Variants in CASKIN1 observed in about 807,000 individuals in gnomAD.
CASKIN1 encodes the protein caskin-1.
A neutral mutation model predicts 117.5 loss-of-function variants in CASKIN1; 42 were observed. The ratio of observed to expected loss-of-function variants is 0.36; its 90% CI spans 0.28 to 0.46. CASKIN1 has a LOEUF of 0.46. CASKIN1 is among the 20% of genes least tolerant of loss of function. CASKIN1 has a pLI of 1.00. For synonymous variants in CASKIN1, 1,148 were observed against 961.7 expected, an observed-to-expected ratio of 1.19 and a Z score of -3.59; for missense variants, 2,083 against 2,077.3, an observed-to-expected ratio of 1.00 and a Z score of -0.05.
At chr16:2,191,282 G>A (rs2093200881) in intron 1 of CASKIN1, among the ~76,000 whole-genome samples, 1 of 152,192 alleles carries the variant, frequency 6.6e-6, no homozygotes, top group African/African-American at 2.4e-5. Flanking sequence ...GAGGCACAGG[G>A]CTGTCTGCAG....
intron 1 of CASKIN1, among the ~76,000 whole-genome samples, chr16:2,193,295 G>A (rs887711284): frequency 1.3e-5 from 2 of 152,218 alleles, no homozygotes; most frequent in African/African-American, 2.4e-5. Flanking sequence ...GGGATGACAG[G>A]CATGAGCCAC....
In CASKIN1 at chr16:2,178,507, G is replaced by C. The variant is rs777883260; in HGVS notation, c.*43C>G. ...CATCCTGAGGTATAGGTCAGTGTGC[G>C]GGGAGGGCCCGGGCGGCGCGGGAGG... On this transcript the variant is annotated 3_prime_UTR_variant, in exon 20 of 20. Transcript: ENST00000343516. 1.3e-6 allele frequency: 2 copies of C among 1,485,606 alleles called. No individual in the cohort carries two copies. Among genetic ancestry groups the C allele is most frequent in the Non-Finnish European group, 1.8e-6 (2 of 1,109,242 alleles). The allele number at this position is 1,485,606 out of a possible 1,614,324, so 92.0% of individuals were successfully genotyped here.
chr16:2,182,046 C>T lies in CASKIN1; in HGVS notation c.1630-117G>A. The T allele has an allele frequency of 6.9e-7, 1 of 1,444,560 alleles. No homozygotes were observed. Among genetic ancestry groups the T allele is most frequent in the Non-Finnish European group, 9.5e-7 (1 of 1,053,288 alleles). The allele number at this position is 1,444,560 out of a possible 1,614,324, so 89.5% of individuals were successfully genotyped here. A position where few individuals can be genotyped will look rare whatever the true frequency, so the allele number is the denominator to read the frequency against. On this transcript the variant is annotated intron_variant, in intron 16 of 19. Coordinates refer to ENST00000343516, the MANE Select transcript of CASKIN1 (RefSeq NM_020764.4). The surrounding 1 kb of genome is among the most constrained non-coding windows in gnomAD (Gnocchi z 4.1). ...AGCAGGGCACAGACAGACAGGAGGA[C>T]AAACGGATAGGCCGAGGTATTGGCA...
rs1596691508 is a variant in CASKIN1, at chr16:2,187,564, G to T, written c.618-103C>A. The T allele has an allele frequency of 1.1e-5, 10 of 889,036 alleles. No individual in the cohort carries two copies. In the East Asian group the frequency reaches 2.6e-4, roughly 23 times the overall value. The allele number at this position is 889,036 out of a possible 1,614,324, so 55.1% of individuals were successfully genotyped here. A position where few individuals can be genotyped will look rare whatever the true frequency, so the allele number is the denominator to read the frequency against. On this transcript the variant is annotated intron_variant, in intron 6 of 19. Transcript: ENST00000343516. The stretch of plus-strand genomic sequence containing the variant: ...TTCCAGGTACCCCAGCAGTCAGCTT[G>T]GGGGCTGAGGACCGTCCAGCCCTGC...
In CASKIN1 at chr16:2,196,286, C is replaced by G; in HGVS notation, c.94+53G>C. 1 of 872,216 alleles carries G rather than the reference C, an allele frequency of 1.1e-6. No homozygotes were observed. The highest frequency in any genetic ancestry group is 1.5e-6 in the Non-Finnish European group (1 of 688,896). The allele number at this position is 872,216 out of a possible 1,614,324, so 54.0% of individuals were successfully genotyped here. ...CCGGCGCCGGGTGGGGGGCTCCGCG[C>G]CGGGGAGGGGCCCCCGGGGCTCCCA... On this transcript the variant is annotated intron_variant, in intron 1 of 19. Coordinates refer to ENST00000343516, the MANE Select transcript of CASKIN1 (RefSeq NM_020764.4). This position sits in a 1 kb window ranked among gnomAD's most constrained non-coding sequence, Gnocchi z 5.7.
intron 6 of CASKIN1, 65 bp from the exon 7 acceptor site, chr16:2,187,526 G>A: frequency 7.5e-7 from 1 of 1,331,944 alleles, no homozygotes; most frequent in African/African-American, 1.4e-5. Context: ...GCACCCCCAA[G>A]CCAGGCCTCC....
At position 2,179,329 on chromosome 16, in the gene CASKIN1, C is replaced by A. The variant is rs1017728767; in HGVS notation, c.3776-4G>T. ...GTGCCGTGGGCGCGCTTCACCTCTG[C>A]GGGGAGGACCACGCTGGCACCGAGC... On this transcript the variant is annotated splice_polypyrimidine_tract_variant and splice_region_variant and intron_variant, in intron 18 of 19. Coordinates refer to ENST00000343516, the MANE Select transcript of CASKIN1 (RefSeq NM_020764.4). The surrounding 1 kb of genome is among the most constrained non-coding windows in gnomAD (Gnocchi z 5.8). 1.6e-6 allele frequency: 2 copies of A among 1,284,768 alleles called. No individual in the cohort carries two copies. The highest frequency in any genetic ancestry group is 3.1e-5 in the African/African-American group (2 of 64,244). The allele number at this position is 1,284,768 out of a possible 1,614,324, so 79.6% of individuals were successfully genotyped here.
At chr16:2,181,972 C>G (rs756554085) in intron 16 of CASKIN1, 43 bp from the exon 17 acceptor site, 1 of 1,606,500 alleles carries the variant, frequency 6.2e-7, no homozygotes, top group Non-Finnish European at 8.5e-7. Context: ...GCTGGCTGCC[C>G]GCACCCTGCC....
chr16:2,178,454 G>T lies in CASKIN1; in HGVS notation c.*96C>A, dbSNP rs1369856675. 8.1e-6 allele frequency: 8 copies of T among 990,572 alleles called. No homozygotes were observed. The highest frequency in any genetic ancestry group is 1.1e-5 in the Non-Finnish European group (8 of 719,958). 61.4% of individuals were successfully genotyped at this position (990,572 alleles called of 1,614,324 possible). On this transcript the variant is annotated 3_prime_UTR_variant, in exon 20 of 20. Coordinates refer to ENST00000343516, the MANE Select transcript of CASKIN1 (RefSeq NM_020764.4). ...GTTGTGCTTCTGCAGGGCCCTGCCC[G>T]GCCGCTCGCGCCGCGCCCAGACGCG... is the stretch of plus-strand genomic sequence containing the variant.
At position 2,181,917 on chromosome 16, in the gene CASKIN1, C is replaced by G. The variant is rs374168893; in HGVS notation, c.1642G>C (p.Val548Leu). The G allele has an allele frequency of 7.4e-6, 12 of 1,613,554 alleles. No individual in the cohort carries two copies. Among genetic ancestry groups the G allele is most frequent in the Non-Finnish European group, 1.0e-5 (12 of 1,179,976 alleles). The part of the protein sequence containing the change: ...LPEHKPANLA[V>L]WLSMIGLAQY... ...GCCAGGCCGATCATGGACAGCCACACGGCCAGGTTAGCCTACAGAGCAGAC... is the reference window on the plus strand; with the variant it reads ...GCCAGGCCGATCATGGACAGCCACAGGGCCAGGTTAGCCTACAGAGCAGAC... The change falls in exon 17 of 20, where the codon GTG (valine) becomes CTG (leucine). Residue 548 changes from valine to leucine, a missense_variant. Val to Leu is a conservative substitution (Grantham distance 32). Transcript: ENST00000343516.
rs1329520815 is a variant in CASKIN1 at position 2,180,148 on chromosome 16, G to A, written c.3220C>T (p.Leu1074=). Residue 1074 remains leucine, a synonymous_variant, in exon 18 of 20, where the codon CTG becomes TTG. Coordinates refer to ENST00000343516, the MANE Select transcript of CASKIN1 (RefSeq NM_020764.4). ...CCAGGCCCCCGGCGGGCAGTGGCCA[G>A]AAGTCCGGTGACTGGCCCGCTGAGC... The part of the protein sequence containing the change: ...RTLSGPVTGL[L]ATARRGPGES... 2 of 1,555,082 alleles carry A rather than the reference G, an allele frequency of 1.3e-6. No homozygotes were observed. Among genetic ancestry groups the A allele is most frequent in the Non-Finnish European group, 1.7e-6 (2 of 1,150,380 alleles).
rs895398935 is a variant in CASKIN1, at chr16:2,182,513, A to G, written c.1630-584T>C. 2.0e-5 allele frequency among the ~76,000 whole-genome samples: 3 copies of G among 151,850 alleles called. No individual in the cohort carries two copies. Among genetic ancestry groups the G allele is most frequent in the Non-Finnish European group, 4.4e-5 (3 of 67,992 alleles). The stretch of plus-strand genomic sequence containing the variant: ...CCACACTTCCAGCTGGAATTCACTC[A>G]TGCAACTGCTCTTGAACACTCAGCC... On this transcript the variant is annotated intron_variant, in intron 16 of 19. Transcript: ENST00000343516. The surrounding 1 kb of genome is among the most constrained non-coding windows in gnomAD (Gnocchi z 4.1).
chr16:2,179,074 G>T lies in CASKIN1; in HGVS notation c.4027C>A (p.Pro1343Thr). The change falls in exon 19 of 20, where the codon CCG becomes ACG. Residue 1343 changes from proline to threonine, a missense_variant. Pro to Thr is a conservative substitution (Grantham distance 38). Coordinates refer to ENST00000343516, the MANE Select transcript of CASKIN1 (RefSeq NM_020764.4). The surrounding 1 kb of genome is among the most constrained non-coding windows in gnomAD (Gnocchi z 5.8). ...APALHVPAKP[P>T]RAAAAAAAAA... The stretch of plus-strand genomic sequence containing the variant: ...GCGGCGGCGGCGGCGGCGGCTCGCG[G>T]GGGCTTGGCGGGCACGTGCAGCGCG... 2.0e-6 allele frequency: 2 copies of T among 985,312 alleles called. No homozygotes were observed. Among genetic ancestry groups the T allele is most frequent in the Non-Finnish European group, 2.4e-6 (2 of 831,562 alleles). The allele number at this position is 985,312 out of a possible 1,614,324, so 61.0% of individuals were successfully genotyped here.
intron 6 of CASKIN1, among the ~76,000 whole-genome samples, 199 bp from the exon 7 acceptor site, chr16:2,187,660 C>T (rs2093188915): frequency 2.6e-5 from 4 of 152,194 alleles, no homozygotes; most frequent in African/African-American, 9.7e-5. Flanking sequence ...TCACCCTTGT[C>T]GCCCAGGCTG....
Position 2,196,237 on chromosome 16 carries a change from G to T in CASKIN1, c.94+102C>A. On this transcript the variant is annotated intron_variant, in intron 1 of 19. Transcript: ENST00000343516. This position sits in a 1 kb window ranked among gnomAD's most constrained non-coding sequence, Gnocchi z 5.7. ...CTGCTGGCCCCGCCCCGCCCCCGGG[G>T]ACCCGACAACGTCCCCTCCCCGCCC... The T allele has an allele frequency of 3.0e-6, 1 of 335,460 alleles. No homozygotes were observed. The highest frequency in any genetic ancestry group is 4.8e-6 in the Non-Finnish European group (1 of 208,246). The allele number at this position is 335,460 out of a possible 1,614,324, so 20.8% of individuals were successfully genotyped here.
chr16:2,185,232 G>A, intron 11 of CASKIN1, 33 bp from the exon 12 acceptor site: 1 of 1,606,054 alleles, frequency 6.2e-7, no homozygotes, highest in Non-Finnish European at 8.5e-7. Context: ...TGAGGCCAGT[G>A]CCGGCCCCTG....
chr16:2,179,384 C>T lies in CASKIN1; in HGVS notation c.3776-59G>A. On this transcript the variant is annotated intron_variant, in intron 18 of 19. Coordinates refer to ENST00000343516, the MANE Select transcript of CASKIN1 (RefSeq NM_020764.4). This position sits in a 1 kb window ranked among gnomAD's most constrained non-coding sequence, Gnocchi z 5.8. ...ACGAGTTCCGCCGCCGCGCCCCCTG[C>T]CCCAGCCTCCCGCGGCTTCCTCCCC... is the stretch of plus-strand genomic sequence containing the variant. 6 of 1,335,836 alleles carry T rather than the reference C, an allele frequency of 4.5e-6. No homozygotes were observed. The highest frequency in any genetic ancestry group is 3.7e-5 in the Admixed American group (1 of 27,312). The allele number at this position is 1,335,836 out of a possible 1,614,324, so 82.7% of individuals were successfully genotyped here.
rs8051481 is a variant in CASKIN1, at chr16:2,188,089, C to T, written c.618-628G>A. The stretch of plus-strand genomic sequence containing the variant: ...GCCTTTGTTTTTGTAAAGACCACGT[C>T]TTGCTATGTTGCCCAGGCTGGTCTC... On this transcript the variant is annotated intron_variant, in intron 6 of 19. Transcript: ENST00000343516. Among the ~76,000 whole-genome samples the T allele has an allele frequency of 5.5e-3, 818 of 147,836 alleles. 10 individuals are homozygous for T. The highest frequency in any genetic ancestry group is 0.019 in the African/African-American group (769 of 40,226).
In CASKIN1 at chr16:2,179,747, G is replaced by A. The variant is rs772965585; in HGVS notation, c.3621C>T (p.His1207=). 3.8e-6 allele frequency: 6 copies of A among 1,559,116 alleles called. No individual in the cohort carries two copies. The African/African-American group carries it at 6.8e-5, about 18-fold the overall frequency. Residue 1207 remains histidine (H), a synonymous_variant, in exon 18 of 20, where the codon CAC becomes CAT. Coordinates refer to ENST00000343516, the MANE Select transcript of CASKIN1 (RefSeq NM_020764.4). The surrounding 1 kb of genome is among the most constrained non-coding windows in gnomAD (Gnocchi z 5.8). ...CCTCGGGCGGGGGCAATGGGGGTAG[G>A]TGCGCCAGGTCGGTGGGCGGGGGTT... ...PAEPPPTDLA[H]LPPLPPPEGE...
Sources: allele counts gnomAD v4.1 joint callset (sites outside exome capture counted in the v4.1 genomes callset), GRCh38; gene constraint gnomAD v4.1.1; non-coding constraint Gnocchi (gnomAD v3.1); transcripts MANE v1.5; gene names NCBI Gene and HGNC (gene_info 2026-07-23, HGNC 2026-07-21).